The following TNFRSF17 variants were observed in gnomAD, a reference collection of about 807,000 sequenced individuals.
The protein encoded by TNFRSF17 is TNF receptor superfamily member 17.
In TNFRSF17, 13 loss-of-function variants were observed where a neutral mutation model predicts 9.9. The observed-to-expected ratio is 1.31, with a 90% CI of 0.85 to 2.08. The LOEUF (loss-of-function observed/expected upper bound fraction) is 2.08, where lower values mean the gene tolerates loss of function less well. Ranked by LOEUF, TNFRSF17 falls within the 30% of genes most tolerant of loss-of-function variation. TNFRSF17 has a pLI of 0.00. For missense variants in TNFRSF17, 305 were observed against 225.8 expected (o/e 1.35, Z -2.25); for synonymous variants, 99 against 83.7 (o/e 1.18, Z -1.00).
chr16:11,966,484 C>A, intron 2 of TNFRSF17, 143 bp downstream of exon 2: 1 of 862,082 alleles, frequency 1.2e-6, no homozygotes, highest in Non-Finnish European at 1.7e-6. Context: ...ATTAAATGAA[C>A]TTGGTAGAGG....
intron 2 of TNFRSF17, 89 bp downstream of exon 2, chr16:11,966,430 T>G: frequency 4.4e-6 from 6 of 1,357,854 alleles, no homozygotes; most frequent in Non-Finnish European, 6.1e-6. Flanking sequence ...CGTTGACTAT[T>G]TCACTTCGTT....
intron 2 of TNFRSF17, 102 bp from the exon 3 acceptor site, chr16:11,967,468 A>C: frequency 7.9e-7 from 1 of 1,262,920 alleles, no homozygotes; most frequent in Non-Finnish European, 1.1e-6. Flanking sequence ...AAATGAAAAA[A>C]TCTCTCTCAC....
Position 11,967,982 on chromosome 16 carries a change from A to G in TNFRSF17, c.*135A>G. 2 of 958,976 alleles carry G rather than the reference A, an allele frequency of 2.1e-6. No individual in the cohort carries two copies. Among genetic ancestry groups the G allele is most frequent in the South Asian group, 1.8e-5 (1 of 56,658 alleles). The allele number at this position is 958,976 out of a possible 1,614,324, so 59.4% of individuals were successfully genotyped here. On this transcript the variant is annotated 3_prime_UTR_variant, in exon 3 of 3. Transcript: ENST00000053243. Reference sequence around the variant, plus strand: ...TGTCCTCTAACTGTGGAAACTCTTTATGTTAGATATATTTCTCTAGGTTAC... The same window carrying G: ...TGTCCTCTAACTGTGGAAACTCTTTGTGTTAGATATATTTCTCTAGGTTAC...
At position 11,967,952 on chromosome 16, in the gene TNFRSF17, C is replaced by CT; in HGVS notation, c.*110dup. ...CTGTATTTTTCAGTTGCCGATACAG[C>CT]TTTTTGTCCTCTAACTGTGGAAACT... On this transcript the variant is annotated 3_prime_UTR_variant, in exon 3 of 3. Coordinates refer to ENST00000053243, the MANE Select transcript of TNFRSF17 (RefSeq NM_001192.3). 1 of 1,292,096 alleles carries CT rather than the reference C, an allele frequency of 7.7e-7. No homozygotes were observed. 80.0% of individuals were successfully genotyped at this position (1,292,096 alleles called of 1,614,324 possible).
chr16:11,965,415 A>G lies in TNFRSF17; in HGVS notation c.91A>G (p.Asn31Asp). The G allele has an allele frequency of 6.2e-7, 1 of 1,614,150 alleles. No individual in the cohort carries two copies. The highest frequency in any genetic ancestry group is 8.5e-7 in the Non-Finnish European group (1 of 1,179,992). Reference protein sequence around the residue: ...CIPCQLRCSSNTPPLTCQRYC... With the variant: ...CIPCQLRCSSDTPPLTCQRYC... ...ACCTTGTCAACTTCGATGTTCTTCT[A>G]ATACTCCTCCTCTAACATGTCAGCG... The change falls in exon 1 of 3, where the codon AAT becomes GAT. Residue 31 changes from asparagine (N) to aspartate (D), a missense_variant. Physicochemically the swap from Asn to Asp is conservative, Grantham distance 23. Coordinates refer to ENST00000053243, the MANE Select transcript of TNFRSF17 (RefSeq NM_001192.3).
At chr16:11,967,540 G>T in intron 2 of TNFRSF17, 30 bp from the exon 3 acceptor site, 1 of 1,596,966 alleles carries the variant, frequency 6.3e-7, no homozygotes. Context: ...TGTGAAGTTT[G>T]GGTTAATGTT....
Position 11,965,262 on chromosome 16 carries a change from A to C in TNFRSF17, c.-63A>C. On this transcript the variant is annotated 5_prime_UTR_variant, in exon 1 of 3. Transcript: ENST00000053243. ...GCTGCATTTGCTCTGGAATTCTTGT[A>C]GAGATATTACTTGTCCTTCCAGGCT... 1.5e-4 allele frequency: 229 copies of C among 1,561,802 alleles called. No homozygotes were observed. Among genetic ancestry groups the C allele is most frequent in the Non-Finnish European group, 1.9e-4 (211 of 1,137,666 alleles).
chr16:11,966,166 A>T, intron 1 of TNFRSF17, 29 bp from the exon 2 acceptor site: 1 of 1,586,064 alleles, frequency 6.3e-7, no homozygotes, highest in Non-Finnish European at 8.6e-7. Flanking sequence ...TTATCAGCTC[A>T]TTATCTGTCT....
Position 11,968,027 on chromosome 16 carries a change from G to A in TNFRSF17, c.*180G>A. ...GGTTACTGTTGGGAGCTTAATGGTA[G>A]AAACTTCCTTGGTTTCATGATTAAA... On this transcript the variant is annotated 3_prime_UTR_variant, in exon 3 of 3. Transcript: ENST00000053243. 1.5e-6 allele frequency: 1 copy of A among 649,896 alleles called. No individual in the cohort carries two copies. Among genetic ancestry groups the A allele is most frequent in the Non-Finnish European group, 2.5e-6 (1 of 407,812 alleles). 40.3% of individuals were successfully genotyped at this position (649,896 alleles called of 1,614,324 possible).
intron 1 of TNFRSF17, among the ~76,000 whole-genome samples, 200 bp downstream of exon 1, chr16:11,965,654 T>G (rs1292658744): frequency 6.6e-6 from 1 of 152,204 alleles, no homozygotes; most frequent in Non-Finnish European, 1.5e-5. Flanking sequence ...TCAGCACTAT[T>G]AGCAACATAG....
rs1420619242 is a variant in TNFRSF17, at chr16:11,966,237, C to T, written c.173C>T (p.Thr58Ile). ...SVKGTNAILW[T>I]CLGLSLIISL... Reference sequence around the variant, plus strand: ...AAAGGAACGAATGCGATTCTCTGGACCTGTTTGGGACTGAGCTTAATAATT... The same window carrying T: ...AAAGGAACGAATGCGATTCTCTGGATCTGTTTGGGACTGAGCTTAATAATT... The change falls in exon 2 of 3, where the codon ACC (threonine) becomes ATC (isoleucine). Residue 58 changes from threonine to isoleucine, a missense_variant. Physicochemically the swap from Thr to Ile is moderately conservative, Grantham distance 89. Coordinates refer to ENST00000053243, the MANE Select transcript of TNFRSF17 (RefSeq NM_001192.3). The T allele has an allele frequency of 1.2e-6, 2 of 1,613,694 alleles. No homozygotes were observed. Among genetic ancestry groups the T allele is most frequent in the African/African-American group, 2.7e-5 (2 of 74,904 alleles).
rs527254917 is a variant in TNFRSF17 at position 11,966,479 on chromosome 16, A to C, written c.277+138A>C. ...ATGTGTTAGAACATTGTTACATTAA[A>C]TGAACTTGGTAGAGGTGAGCCATCT... On this transcript the variant is annotated intron_variant, in intron 2 of 2. Transcript: ENST00000053243. 2.5e-4 allele frequency: 227 copies of C among 898,158 alleles called. 3 individuals carry two copies. In the Middle Eastern group the frequency reaches 2.9e-3, roughly 11 times the overall value. The allele number at this position is 898,158 out of a possible 1,614,324, so 55.6% of individuals were successfully genotyped here. A position where few individuals can be genotyped will look rare whatever the true frequency, so the allele number is the denominator to read the frequency against.
At chr16:11,967,454 TAA>T in intron 2 of TNFRSF17, 114 bp from the exon 3 acceptor site, 2 of 1,149,394 alleles carry the variant, frequency 1.7e-6, no homozygotes, top group Non-Finnish European at 2.5e-6. Context: ...ACCCCACCTC[TAA>T]AAAATGAAAA....
Position 11,967,560 on chromosome 16 carries a change from A to C in TNFRSF17, c.278-10A>C. On this transcript the variant is annotated splice_polypyrimidine_tract_variant and intron_variant, in intron 2 of 2. Coordinates refer to ENST00000053243, the MANE Select transcript of TNFRSF17 (RefSeq NM_001192.3). The stretch of plus-strand genomic sequence containing the variant: ...AGTTTGGGTTAATGTTTCCGTTTCT[A>C]CATAATTAGGATCAGGTCTCCTGGG... The C allele has an allele frequency of 6.2e-7, 1 of 1,606,750 alleles. No individual in the cohort carries two copies. The highest frequency in any genetic ancestry group is 8.5e-7 in the Non-Finnish European group (1 of 1,174,976).
chr16:11,966,207 C>A lies in TNFRSF17; in HGVS notation c.143C>A (p.Ser48Ter). ...QRYCNASVTN[S>*]VKGTNAILWT... ...TCTTTTCATAAAGGTGTGACCAATTCAGTGAAAGGAACGAATGCGATTCTC... is the reference window on the plus strand; with the variant it reads ...TCTTTTCATAAAGGTGTGACCAATTAAGTGAAAGGAACGAATGCGATTCTC... Residue 48 changes from serine to a stop codon, truncating the protein, a stop_gained, in exon 2 of 3, where the codon TCA (serine) becomes TAA (stop). Transcript: ENST00000053243. LOFTEE classifies it high-confidence loss of function. 1 of 1,613,004 alleles carries A rather than the reference C, an allele frequency of 6.2e-7. No individual in the cohort carries two copies. Among genetic ancestry groups the A allele is most frequent in the South Asian group, 1.1e-5 (1 of 90,860 alleles).
In TNFRSF17 at chr16:11,965,216, C is replaced by T; in HGVS notation, c.-109C>T. 1 of 1,464,292 alleles carries T rather than the reference C, an allele frequency of 6.8e-7. No homozygotes were observed. The highest frequency in any genetic ancestry group is 9.3e-7 in the Non-Finnish European group (1 of 1,071,608). The allele number at this position is 1,464,292 out of a possible 1,614,324, so 90.7% of individuals were successfully genotyped here. ...CACGAAGCAGGCGAAGTTCATTGTT[C>T]TCAACATTCTAGCTGCTCTTGCTGC... is the stretch of plus-strand genomic sequence containing the variant. On this transcript the variant is annotated 5_prime_UTR_variant, in exon 1 of 3. Coordinates refer to ENST00000053243, the MANE Select transcript of TNFRSF17 (RefSeq NM_001192.3).
chr16:11,967,280 G>A, intron 2 of TNFRSF17: 1 of 346,492 alleles, frequency 2.9e-6, no homozygotes, highest in Non-Finnish European at 5.3e-6. Flanking sequence ...GGGATTACAG[G>A]CGTGAGCCAC....
In TNFRSF17 at chr16:11,965,465, T is replaced by C. The variant is rs201329134; in HGVS notation, c.130+11T>C. On this transcript the variant is annotated intron_variant, in intron 1 of 2. Coordinates refer to ENST00000053243, the MANE Select transcript of TNFRSF17 (RefSeq NM_001192.3). ...GTTATTGTAATGCAAGTAAGTAATA[T>C]TGCTTGAACGATTATTCATTGGTGT... is the stretch of plus-strand genomic sequence containing the variant. 43 of 1,613,752 alleles carry C rather than the reference T, an allele frequency of 2.7e-5. No homozygotes were observed. Among genetic ancestry groups the C allele is most frequent in the East Asian group, 1.1e-4 (5 of 44,884 alleles).
At position 11,966,220 on chromosome 16, in the gene TNFRSF17, G is replaced by A. The variant is rs749544407; in HGVS notation, c.156G>A (p.Thr52=). The change falls in exon 2 of 3, where the codon ACG becomes ACA. Residue 52 remains threonine (T), a synonymous_variant. Transcript: ENST00000053243. Reference sequence around the variant, plus strand: ...GTGTGACCAATTCAGTGAAAGGAACGAATGCGATTCTCTGGACCTGTTTGG... The same window carrying A: ...GTGTGACCAATTCAGTGAAAGGAACAAATGCGATTCTCTGGACCTGTTTGG... The part of the protein sequence containing the change: ...NASVTNSVKG[T]NAILWTCLGL... 3.1e-6 allele frequency: 5 copies of A among 1,613,648 alleles called. No homozygotes were observed. Among genetic ancestry groups the A allele is most frequent in the East Asian group, 2.2e-5 (1 of 44,870 alleles).
Sources: gnomAD v4.1 joint callset for allele counts (sites outside exome capture counted in the v4.1 genomes callset) on GRCh38, gnomAD v4.1.1 for gene constraint, MANE v1.5 for transcripts, NCBI Gene and HGNC (gene_info 2026-07-23, HGNC 2026-07-21) for gene names.